The following ENOX2 variants were observed in gnomAD, a reference collection of about 807,000 sequenced individuals.
ENOX2 encodes the protein APK1 antigen.
A neutral mutation model predicts 45.0 loss-of-function variants in ENOX2; 36 were observed. That is an observed-to-expected ratio of 0.80 (90% CI 0.61 to 1.06). ENOX2 has a LOEUF of 1.06. Ranked by LOEUF, ENOX2 falls within the 50% of genes least tolerant of loss-of-function variation. The pLI is 0.00. For synonymous variants in ENOX2, 174 were observed against 152.3 expected (o/e 1.14, Z -1.05); for missense variants, 423 against 462.5 (o/e 0.91, Z 0.78).
At chrX:130,883,239 T>C (rs1036869452) in intron 2 of ENOX2, among the ~76,000 whole-genome samples, 9 of 111,321 alleles carry the variant, frequency 8.1e-5, no homozygotes, top group Admixed American at 2.9e-4. Flanking sequence ...GGCTCCCACG[T>C]AGCTGAGATT....
intron 14 of ENOX2, among the ~76,000 whole-genome samples, chrX:130,626,730 T>C (rs1330035448): frequency 1.8e-5 from 2 of 111,607 alleles, no homozygotes; most frequent in Admixed American, 9.5e-5. Flanking sequence ...GCAAATGCCA[T>C]TGAAGAGGAT....
At chrX:130,737,821 G>T (rs973396795) in intron 3 of ENOX2, among the ~76,000 whole-genome samples, 2 of 111,648 alleles carry the variant, frequency 1.8e-5, no homozygotes, top group Admixed American at 9.5e-5. Flanking sequence ...CAGTCTAAGG[G>T]GGACAAAAGA....
chrX:130,789,162 A>G (rs2077007571), intron 2 of ENOX2, among the ~76,000 whole-genome samples: 1 of 112,400 alleles, frequency 8.9e-6, no homozygotes, highest in African/African-American at 3.2e-5. Flanking sequence ...GAATACTCCA[A>G]TCTGCAGGTC....
In ENOX2 at chrX:130,677,975, T is replaced by C. The variant is rs2037198546; in HGVS notation, c.460+1567A>G. Reference sequence around the variant, plus strand: ...GGTGGCAGGCGCCTGTAATCCCACCTACTCGGGAGGCTGAGGCAGGAGAAT... The same window carrying C: ...GGTGGCAGGCGCCTGTAATCCCACCCACTCGGGAGGCTGAGGCAGGAGAAT... On this transcript the variant is annotated intron_variant, in intron 6 of 14. Coordinates refer to ENST00000394363, the MANE Select transcript of ENOX2 (RefSeq NM_006375.4). 2.8e-5 allele frequency among the ~76,000 whole-genome samples: 3 copies of C among 108,797 alleles called. No homozygotes were observed. In the South Asian group the frequency reaches 1.2e-3, roughly 45 times the overall value. 94.5% of individuals were successfully genotyped at this position (108,797 alleles called of 115,157 possible). A position where few individuals can be genotyped will look rare whatever the true frequency, so the allele number is the denominator to read the frequency against.
intron 8 of ENOX2, 107 bp from the exon 9 acceptor site, chrX:130,665,856 C>T: frequency 1.9e-6 from 1 of 517,441 alleles, no homozygotes; most frequent in Non-Finnish European, 3.4e-6. Context: ...CTTGTTGTAT[C>T]TTGTTGTTAT....
At chrX:130,656,385 A>C (rs1055322868) in intron 10 of ENOX2, among the ~76,000 whole-genome samples, 196 bp downstream of exon 10, 1 of 112,515 alleles carries the variant, frequency 8.9e-6, no homozygotes, top group African/African-American at 3.2e-5. Flanking sequence ...GGTATGGATA[A>C]GTGAAAACCA....
intron 2 of ENOX2, among the ~76,000 whole-genome samples, chrX:130,859,264 G>A (rs1310452796): frequency 7.1e-5 from 8 of 111,917 alleles, no homozygotes; most frequent in Admixed American, 4.7e-4. Context: ...CCCGGGAGGC[G>A]GAGGTTGCAG....
At chrX:130,682,583 CAAAAAAAAAAAAAAAAAAA>C (rs55875735) in intron 5 of ENOX2, among the ~76,000 whole-genome samples, 7 of 14,647 alleles carry the variant, frequency 4.8e-4, no homozygotes, top group South Asian at 0.014. Flanking sequence ...GACTCCGTCT[CAAAAAAAAAAAAAAAAAAA>C]AAAAAAAAAA....
intron 12 of ENOX2, among the ~76,000 whole-genome samples, chrX:130,633,259 A>G (rs1477925312): frequency 8.9e-6 from 1 of 111,835 alleles, no homozygotes; most frequent in African/African-American, 3.2e-5. Context: ...CAAATAAAAA[A>G]AGAGATCCCT....
chrX:130,780,753 G>A (rs1017246643), intron 3 of ENOX2, among the ~76,000 whole-genome samples: 1 of 111,436 alleles, frequency 9.0e-6, no homozygotes, highest in Non-Finnish European at 1.9e-5. Context: ...GGAAGAGGTA[G>A]GAGGGTTGGG....
chrX:130,753,720 T>A (rs769808074), intron 3 of ENOX2, among the ~76,000 whole-genome samples: 1 of 112,235 alleles, frequency 8.9e-6, no homozygotes, highest in Non-Finnish European at 1.9e-5. Context: ...TAGTATTCCA[T>A]TGTGTATATA....
intron 2 of ENOX2, among the ~76,000 whole-genome samples, chrX:130,825,208 A>G (rs2077696424): frequency 8.9e-6 from 1 of 112,050 alleles, no homozygotes; most frequent in Non-Finnish European, 1.9e-5. Context: ...ATGTATAGTA[A>G]TATAGATAAA....
At chrX:130,753,470 C>T (rs1011525572) in intron 3 of ENOX2, among the ~76,000 whole-genome samples, 1 of 111,332 alleles carries the variant, frequency 9.0e-6, no homozygotes, top group East Asian at 2.8e-4. Flanking sequence ...GTTTTTCCAT[C>T]TGACTGGCTC....
chrX:130,649,961 T>C (rs2036356458), intron 10 of ENOX2, among the ~76,000 whole-genome samples: 1 of 112,324 alleles, frequency 8.9e-6, no homozygotes, highest in South Asian at 3.7e-4. Flanking sequence ...TGAGCTGGAG[T>C]TTGGCTGAAT....
At chrX:130,679,258 T>C (rs2037235440) in intron 6 of ENOX2, among the ~76,000 whole-genome samples, 1 of 110,405 alleles carries the variant, frequency 9.1e-6, no homozygotes, top group South Asian at 3.9e-4. Flanking sequence ...GGTTGGGACA[T>C]GGTGTGTGAG....
chrX:130,747,527 T>C (rs1452965900), intron 3 of ENOX2, among the ~76,000 whole-genome samples: 1 of 112,477 alleles, frequency 8.9e-6, no homozygotes, highest in Admixed American at 9.3e-5. Flanking sequence ...CAGCAGAATA[T>C]TGATCACTAC....
chrX:130,774,126 T>C (rs2039800934), intron 3 of ENOX2, among the ~76,000 whole-genome samples: 1 of 112,289 alleles, frequency 8.9e-6, no homozygotes, highest in Admixed American at 9.4e-5. Context: ...TTCTGTCATT[T>C]CAGTTCCTAA....
chrX:130,658,807 T>G (rs1354807358), intron 9 of ENOX2, among the ~76,000 whole-genome samples: 3 of 112,386 alleles, frequency 2.7e-5, no homozygotes, highest in Admixed American at 1.9e-4. Flanking sequence ...CTGAGGTATA[T>G]TTTCAGACAA....
At chrX:130,878,052 C>T (rs930061112) in intron 2 of ENOX2, among the ~76,000 whole-genome samples, 4 of 112,164 alleles carry the variant, frequency 3.6e-5, no homozygotes, top group African/African-American at 1.3e-4. Flanking sequence ...GTGTTCATGC[C>T]TTGGAACTGT....
Sources: allele counts gnomAD v4.1 joint callset (sites outside exome capture counted in the v4.1 genomes callset), GRCh38; gene constraint gnomAD v4.1.1; transcripts MANE v1.5; gene names NCBI Gene and HGNC (gene_info 2026-07-23, HGNC 2026-07-21).